Variants in ATF6 observed in about 807,000 individuals in gnomAD.
ATF6 encodes cyclic AMP-dependent transcription factor ATF-6 alpha.
In ATF6, 53 loss-of-function variants were observed where a neutral mutation model predicts 83.6. The observed-to-expected ratio is 0.63, with a 90% confidence interval of 0.51 to 0.80. The LOEUF (loss-of-function observed/expected upper bound fraction) is 0.80, where lower values mean the gene tolerates loss of function less well. ATF6 is among the 30% of genes least tolerant of loss of function. The pLI, the probability that ATF6 is intolerant of heterozygous loss-of-function variation, is 0.00. For synonymous variants in ATF6, 288 were observed against 285.8 expected (o/e 1.01, Z -0.08); for missense variants, 744 against 797.9 (o/e 0.93, Z 0.81).
intron 5 of ATF6, 45 bp downstream of exon 5, chr1:161,791,582 A>G: frequency 6.5e-7 from 1 of 1,544,890 alleles, no homozygotes; most frequent in Non-Finnish European, 8.7e-7. Flanking sequence ...TTTCAGATTG[A>G]GCTTAGGTTC....
rs1305057182 is a variant in ATF6 at position 161,863,293 on chromosome 1, A to C, written c.1700A>C (p.Tyr567Ser). 6.2e-7 allele frequency: 1 copy of C among 1,610,430 alleles called. No individual in the cohort carries two copies. Among genetic ancestry groups the C allele is most frequent in the Non-Finnish European group, 8.5e-7 (1 of 1,176,756 alleles). Residue 567 changes from tyrosine (Y) to serine (S), a missense_variant, in exon 14 of 16, where the codon TAT becomes TCT. Tyr to Ser is a moderately radical substitution (Grantham distance 144). Transcript: ENST00000367942. Reference protein sequence around the residue: ...EAIRRRGDTFYVVSFRRDHLL... With the variant: ...EAIRRRGDTFSVVSFRRDHLL... ...ATCCGCAGAAGGGGAGACACATTTTATGTTGTGTCATTTCGAAGGGTAAGT... is the reference window on the plus strand; with the variant it reads ...ATCCGCAGAAGGGGAGACACATTTTCTGTTGTGTCATTTCGAAGGGTAAGT...
At chr1:161,957,169 A>G (rs1414867873) in intron 15 of ATF6, among the ~76,000 whole-genome samples, 1 of 86,752 alleles carries the variant, frequency 1.2e-5, no homozygotes, top group Non-Finnish European at 3.3e-5. Flanking sequence ...CTCAGTGTCA[A>G]AGTTAAAAAA....
chr1:161,946,562 A>C (rs1688751657), intron 15 of ATF6, among the ~76,000 whole-genome samples: 1 of 152,202 alleles, frequency 6.6e-6, no homozygotes, highest in African/African-American at 2.4e-5. Context: ...AATCTCTGGG[A>C]ATTTGGTCTC....
rs186397514 is a variant in ATF6 at position 161,821,053 on chromosome 1, G to A, written c.1096-17G>A. 1.9e-6 allele frequency: 3 copies of A among 1,552,760 alleles called. No homozygotes were observed. The highest frequency in any genetic ancestry group is 1.4e-5 in the African/African-American group (1 of 72,672). On this transcript the variant is annotated splice_polypyrimidine_tract_variant and intron_variant, in intron 8 of 15. Transcript: ENST00000367942. ...CGATGTTAGTTTAATTGTATTTAAT[G>A]TGGTCATTTCCTTTAGAACCAGAGG...
At chr1:161,932,346 T>C (rs1251247733) in intron 15 of ATF6, among the ~76,000 whole-genome samples, 1 of 152,178 alleles carries the variant, frequency 6.6e-6, no homozygotes, top group Non-Finnish European at 1.5e-5. Flanking sequence ...AACCGAATCA[T>C]TCACTTCTGT....
intron 10 of ATF6, among the ~76,000 whole-genome samples, chr1:161,851,035 T>C (rs764195971): frequency 1.7e-4 from 26 of 152,098 alleles, no homozygotes; most frequent in Non-Finnish European, 3.5e-4. Context: ...CTCTGTTGTT[T>C]TATTAGTGAT....
At chr1:161,940,783 C>G (rs982635568) in intron 15 of ATF6, among the ~76,000 whole-genome samples, 2 of 152,014 alleles carry the variant, frequency 1.3e-5, no homozygotes, top group African/African-American at 2.4e-5. Flanking sequence ...AGGATGGCCT[C>G]GATCTCTTGA....
chr1:161,897,832 AAAATT>A (rs1357026991), intron 14 of ATF6, among the ~76,000 whole-genome samples: 28 of 152,230 alleles, frequency 1.8e-4, no homozygotes, highest in Non-Finnish European at 4.4e-5. Context: ...GTAGATTATT[AAAATT>A]AAATTTATAT....
chr1:161,904,422 T>C (rs1406220979), intron 14 of ATF6, among the ~76,000 whole-genome samples: 1 of 151,994 alleles, frequency 6.6e-6, no homozygotes, highest in Admixed American at 6.6e-5. Context: ...GCACTGTCTC[T>C]ACTAAAAATA....
At chr1:161,933,422 G>A (rs895492053) in intron 15 of ATF6, among the ~76,000 whole-genome samples, 2 of 152,160 alleles carry the variant, frequency 1.3e-5, no homozygotes, top group Non-Finnish European at 2.9e-5. Flanking sequence ...CATTAAAGTT[G>A]TAAGACACAA....
At chr1:161,902,896 C>A (rs1687815298) in intron 14 of ATF6, among the ~76,000 whole-genome samples, 2 of 152,216 alleles carry the variant, frequency 1.3e-5, no homozygotes, top group African/African-American at 4.8e-5. Context: ...TAGGAAAGAC[C>A]TCACTGAGAA....
intron 7 of ATF6, among the ~76,000 whole-genome samples, chr1:161,818,406 G>A (rs938724251): frequency 1.3e-5 from 2 of 152,156 alleles, no homozygotes; most frequent in African/African-American, 4.8e-5. Flanking sequence ...TTCTGTTGTA[G>A]TAGATATTGT....
chr1:161,839,452 C>T (rs1209477997), intron 9 of ATF6, among the ~76,000 whole-genome samples: 1 of 152,138 alleles, frequency 6.6e-6, no homozygotes, highest in Non-Finnish European at 1.5e-5. Context: ...GCCTTGACCT[C>T]CTGAGCTCAA....
chr1:161,926,455 G>A (rs894343262), intron 15 of ATF6, among the ~76,000 whole-genome samples: 13 of 152,100 alleles, frequency 8.5e-5, no homozygotes, highest in African/African-American at 3.1e-4. Flanking sequence ...ATTCACTCAC[G>A]CAGCAGGTGG....
At chr1:161,849,181 A>G (rs1023732855) in intron 10 of ATF6, among the ~76,000 whole-genome samples, 2 of 152,210 alleles carry the variant, frequency 1.3e-5, no homozygotes, top group Non-Finnish European at 2.9e-5. Flanking sequence ...CAGATTTATC[A>G]AACACAAGAC....
At chr1:161,907,975 T>C (rs1260670244) in intron 14 of ATF6, among the ~76,000 whole-genome samples, 2 of 152,232 alleles carry the variant, frequency 1.3e-5, no homozygotes, top group Non-Finnish European at 2.9e-5. Context: ...TTATGGTTGC[T>C]TTGCAAGGAG....
intron 15 of ATF6, among the ~76,000 whole-genome samples, chr1:161,949,567 C>T (rs948328915): frequency 6.6e-6 from 1 of 152,170 alleles, no homozygotes; most frequent in Admixed American, 6.5e-5. Context: ...CACGGTTCTG[C>T]AGGCTGTACA....
chr1:161,831,743 A>G (rs1157611129), intron 9 of ATF6, among the ~76,000 whole-genome samples: 2 of 131,070 alleles, frequency 1.5e-5, no homozygotes, highest in Admixed American at 1.8e-4. Context: ...GGAACTGAAC[A>G]GTGAGAGCAG....
intron 9 of ATF6, among the ~76,000 whole-genome samples, chr1:161,845,166 G>A (rs1268031421): frequency 6.6e-6 from 1 of 152,122 alleles, no homozygotes; most frequent in African/African-American, 2.4e-5. Context: ...TTCTAGAGAG[G>A]TGTGTCTGCT....
Sources: allele counts gnomAD v4.1 joint callset (sites outside exome capture counted in the v4.1 genomes callset), GRCh38; gene constraint gnomAD v4.1.1; transcripts MANE v1.5; gene names NCBI Gene and HGNC (gene_info 2026-07-23, HGNC 2026-07-21).